Variants in RRP1 observed in about 807,000 individuals in gnomAD.
RRP1 encodes the protein ribosomal RNA processing 1.
RRP1 carries 37 observed loss-of-function variants against 54.6 expected under a neutral mutation model. That is an observed-to-expected ratio of 0.68 (90% CI 0.52 to 0.89). The LOEUF (loss-of-function observed/expected upper bound fraction) is 0.89, where lower values mean the gene tolerates loss of function less well. Among genes scored for constraint, RRP1 ranks in the 40% least tolerant of loss-of-function variants. RRP1 has a pLI of 0.00. For synonymous variants in RRP1, 262 were observed against 244.3 expected, an observed-to-expected ratio of 1.07 and a Z score of -0.67; for missense variants, 639 against 612.5, an observed-to-expected ratio of 1.04 and a Z score of -0.46.
In RRP1 at chr21:43,802,343, AGAC is replaced by A; in HGVS notation, c.1082_1084del (p.Thr361del). The A allele has an allele frequency of 1.2e-6, 2 of 1,614,002 alleles. No individual in the cohort carries two copies. The highest frequency in any genetic ancestry group is 1.7e-6 in the Non-Finnish European group (2 of 1,179,988). The stretch of plus-strand genomic sequence containing the variant: ...CTGCTTGAAGGGAGGCGGCAGAAGA[AGAC>A]GAAGAAGCAGAAGCGTCTGCTCAGG... On this transcript the variant is annotated inframe_deletion, in exon 12 of 13. Coordinates refer to ENST00000497547, the MANE Select transcript of RRP1 (RefSeq NM_003683.6).
At chr21:43,796,958 A>G (rs1025759562) in intron 5 of RRP1, among the ~76,000 whole-genome samples, 1 of 152,134 alleles carries the variant, frequency 6.6e-6, no homozygotes, top group African/African-American at 2.4e-5. Flanking sequence ...CAGGTGGCTC[A>G]TGGTCCTCGG....
At position 43,797,909 on chromosome 21, in the gene RRP1, C is replaced by T; in HGVS notation, c.620C>T (p.Ser207Phe). The T allele has an allele frequency of 6.2e-7, 1 of 1,613,388 alleles. No homozygotes were observed. The highest frequency in any genetic ancestry group is 8.5e-7 in the Non-Finnish European group (1 of 1,179,484). The change falls in exon 8 of 13, where the codon TCC (serine) becomes TTC (phenylalanine). Residue 207 changes from serine (S) to phenylalanine (F), a missense_variant and splice_region_variant. Coordinates refer to ENST00000497547, the MANE Select transcript of RRP1 (RefSeq NM_003683.6). ...CCGGCCTCTGCTCTGCCCCTCAGTT[C>T]CTTGGTTTTGAACAACATCACTCGA... ...FCRIAARTKD[S>F]LVLNNITRGI...
In RRP1 at chr21:43,802,358, A is replaced by G. The variant is rs200910420; in HGVS notation, c.1094A>G (p.Lys365Arg). ...GRRQKKTKKQ[K>R]RLLRLQQERG... ...CGGCAGAAGAAGACGAAGAAGCAGA[A>G]GCGTCTGCTCAGGTTGCAGCAGGAG... is the stretch of plus-strand genomic sequence containing the variant. Residue 365 changes from lysine (K) to arginine (R), a missense_variant, in exon 12 of 13, where the codon AAG (lysine) becomes AGG (arginine). Transcript: ENST00000497547. 1.3e-4 allele frequency: 208 copies of G among 1,613,952 alleles called. No homozygotes were observed. The Middle Eastern group carries it at 4.1e-3, about 32-fold the overall frequency.
chr21:43,797,799 AG>A, intron 7 of RRP1, 104 bp downstream of exon 7: 1 of 1,570,282 alleles, frequency 6.4e-7, no homozygotes, highest in Non-Finnish European at 8.7e-7. Flanking sequence ...TCTGTCTCAG[AG>A]TGGCCGCTGG....
At position 43,800,552 on chromosome 21, in the gene RRP1, A is replaced by G. The variant is rs111865363; in HGVS notation, c.927A>G (p.Glu309=). Residue 309 remains glutamate (E), a synonymous_variant, in exon 10 of 13, where the codon GAA becomes GAG. Transcript: ENST00000497547. ...DYEAVANRLF[E]MASRQSTPSQ... ...AGGCAGTTGCTAACAGACTGTTTGA[A>G]ATGGCCAGCCGCCAGAGCACCCCTT... 1 of 1,614,256 alleles carries G rather than the reference A, an allele frequency of 6.2e-7. No individual in the cohort carries two copies. Among genetic ancestry groups the G allele is most frequent in the Admixed American group, 1.7e-5 (1 of 60,032 alleles).
At chr21:43,796,899 G>A (rs2085024119) in intron 5 of RRP1, among the ~76,000 whole-genome samples, 2 of 152,220 alleles carry the variant, frequency 1.3e-5, no homozygotes, top group Non-Finnish European at 2.9e-5. Context: ...GAGAGCTCTG[G>A]TGGACGTCAC....
chr21:43,795,253 G>T lies in RRP1; in HGVS notation c.422+3G>T. Reference sequence around the variant, plus strand: ...AAGATGCAAGGCTGGGAAGAAAGGTGGGTGCGCGGCGGGCCTGCTCTGGGG... The same window carrying T: ...AAGATGCAAGGCTGGGAAGAAAGGTTGGTGCGCGGCGGGCCTGCTCTGGGG... On this transcript the variant is annotated splice_donor_region_variant and intron_variant, in intron 5 of 12. Coordinates refer to ENST00000497547, the MANE Select transcript of RRP1 (RefSeq NM_003683.6). The T allele has an allele frequency of 1.2e-6, 2 of 1,614,098 alleles. No homozygotes were observed. The highest frequency in any genetic ancestry group is 1.6e-4 in the Middle Eastern group (1 of 6,062).
chr21:43,803,179 C>T (rs2838385), intron 12 of RRP1, among the ~76,000 whole-genome samples: 34,642 of 152,162 alleles, frequency 0.23, 4,643 homozygotes, highest in African/African-American at 0.36. Context: ...ACCCTGTCGG[C>T]CCTGGCGTTC....
intron 5 of RRP1, chr21:43,797,218 C>G: frequency 2.7e-6 from 2 of 743,358 alleles, no homozygotes; most frequent in Non-Finnish European, 4.1e-6. Context: ...ACATAACTCC[C>G]TAACTGCAAG....
chr21:43,803,073 C>T (rs919589322), intron 12 of RRP1, among the ~76,000 whole-genome samples: 3 of 152,266 alleles, frequency 2.0e-5, no homozygotes, highest in African/African-American at 4.8e-5. Context: ...GGGATTCACC[C>T]CTTCCCTTGC....
chr21:43,794,803 G>A (rs2838368), intron 4 of RRP1, among the ~76,000 whole-genome samples: 36,086 of 152,156 alleles, frequency 0.24, 4,570 homozygotes, highest in East Asian at 0.47. Flanking sequence ...CTGGTTTTGC[G>A]GAGGGCTCCA....
At chr21:43,800,681 G>A (rs2085078980) in intron 10 of RRP1, 67 bp downstream of exon 10, 2 of 1,563,946 alleles carry the variant, frequency 1.3e-6, no homozygotes, top group Admixed American at 1.7e-5. Context: ...CTCAGATCTG[G>A]GTGCCTTTGC....
intron 9 of RRP1, among the ~76,000 whole-genome samples, chr21:43,799,906 C>T (rs558702983): frequency 6.6e-6 from 1 of 152,298 alleles, no homozygotes; most frequent in Admixed American, 6.5e-5. Flanking sequence ...GGCAGAACTG[C>T]ATTATCCAGG....
chr21:43,795,628 A>T (rs2085011221), intron 5 of RRP1, among the ~76,000 whole-genome samples: 1 of 152,176 alleles, frequency 6.6e-6, no homozygotes, highest in Admixed American at 6.5e-5. Flanking sequence ...GCTCAACTAC[A>T]GCCTTGACCT....
intron 5 of RRP1, 26 bp from the exon 6 acceptor site, chr21:43,797,396 G>C (rs780679239): frequency 2.5e-6 from 4 of 1,597,420 alleles, no homozygotes; most frequent in Non-Finnish European, 3.4e-6. Context: ...GAGGCTGCCT[G>C]TCATGTTTGC....
chr21:43,799,597 C>G lies in RRP1; in HGVS notation c.839C>G (p.Ala280Gly), dbSNP rs1250225900. The change falls in exon 9 of 13, where the codon GCT becomes GGT. Residue 280 changes from alanine to glycine, a missense_variant. Ala to Gly is a moderately conservative substitution (Grantham distance 60, BLOSUM62 0). Coordinates refer to ENST00000497547, the MANE Select transcript of RRP1 (RefSeq NM_003683.6). The stretch of plus-strand genomic sequence containing the variant: ...TCCATCTGCAGGGCTGAACCTGAGG[C>G]TGGTGAGGAGCAGGCAGGTGACGAC... ...AGSICRAEPE[A>G]GEEQAGDDRD... 3 of 1,612,238 alleles carry G rather than the reference C, an allele frequency of 1.9e-6. No homozygotes were observed. In the East Asian group the frequency reaches 6.7e-5, roughly 36 times the overall value.
At chr21:43,801,818 G>A (rs2085095535) in intron 11 of RRP1, among the ~76,000 whole-genome samples, 1 of 152,218 alleles carries the variant, frequency 6.6e-6, no homozygotes, top group South Asian at 2.1e-4. Context: ...TTGGTGTACA[G>A]GTTGAGCGTC....
chr21:43,791,551 G>A, intron 2 of RRP1, 119 bp downstream of exon 2: 2 of 865,390 alleles, frequency 2.3e-6, no homozygotes, highest in Non-Finnish European at 3.6e-6. Context: ...TGCCCAGGCT[G>A]GAGTGCAGTG....
chr21:43,799,484 G>A, intron 8 of RRP1, 86 bp from the exon 9 acceptor site: 1 of 1,387,452 alleles, frequency 7.2e-7, no homozygotes, highest in Non-Finnish European at 1.0e-6. Flanking sequence ...CGACCAGGGT[G>A]CACGGAGCGG....
Sources: allele counts gnomAD v4.1 joint callset (sites outside exome capture counted in the v4.1 genomes callset), GRCh38; gene constraint gnomAD v4.1.1; transcripts MANE v1.5; gene names NCBI Gene and HGNC (gene_info 2026-07-23, HGNC 2026-07-21).